The following GABRR1 variants were observed in gnomAD, a reference collection of about 807,000 sequenced individuals.
GABRR1 encodes the protein gamma-aminobutyric acid receptor subunit rho-1.
Under a neutral mutation model 55.5 loss-of-function variants are expected in GABRR1, and 59 were observed. That is an observed-to-expected ratio of 1.06 (90% CI 0.86 to 1.32). The LOEUF (loss-of-function observed/expected upper bound fraction) is 1.32, where lower values mean the gene tolerates loss of function less well. Ranked by LOEUF, GABRR1 falls within the 40% of genes most tolerant of loss-of-function variation. The pLI, the probability that GABRR1 is intolerant of heterozygous loss-of-function variation, is 0.00. For missense variants in GABRR1, 602 were observed against 619.1 expected, an observed-to-expected ratio of 0.97 and a Z score of 0.29; for synonymous variants, 213 against 226.0, an observed-to-expected ratio of 0.94 and a Z score of 0.51.
intron 4 of GABRR1, among the ~76,000 whole-genome samples, chr6:89,198,575 C>T (rs571659287): frequency 3.9e-5 from 6 of 152,240 alleles, no homozygotes; most frequent in African/African-American, 1.4e-4. Context: ...AAAGTTCATA[C>T]CTGCAAACAG....
rs1773199679 is a variant in GABRR1, at chr6:89,226,133, T to G, written c.-410-4687A>C. 2.0e-5 allele frequency among the ~76,000 whole-genome samples: 3 copies of G among 152,126 alleles called. No individual in the cohort carries two copies. In the South Asian group the frequency reaches 6.2e-4, roughly 32 times the overall value. On this transcript the variant is annotated intron_variant, in intron 1 of 11. Coordinates refer to the GABRR1 transcript ENST00000369451. ...GGTTGTTTGTTTTTTTCTTGTAAAT[T>G]TGTTTGAGTTCATTGTAGATTCTGG...
rs1337345625 is a variant in GABRR1 at position 89,178,583 on chromosome 6, TTAA to T, written c.*184_*186del. ...ATAATGCTGTGTATTCAATAGATGG[TTAA>T]TAAGTGCAAATTAAACCAGTAAGTG... On this transcript the variant is annotated 3_prime_UTR_variant, in exon 10 of 10. Coordinates refer to ENST00000454853, the MANE Select transcript of GABRR1 (RefSeq NM_002042.5). 2 of 603,288 alleles carry T rather than the reference TTAA, an allele frequency of 3.3e-6. No homozygotes were observed. The highest frequency in any genetic ancestry group is 3.7e-5 in the African/African-American group (2 of 53,852). The allele number at this position is 603,288 out of a possible 1,614,324, so 37.4% of individuals were successfully genotyped here.
At chr6:89,202,855 A>G (rs1232491392) in intron 2 of GABRR1, among the ~76,000 whole-genome samples, 2 of 152,018 alleles carry the variant, frequency 1.3e-5, no homozygotes, top group African/African-American at 4.8e-5. Flanking sequence ...CTGGGACTAC[A>G]GGTACATGCA....
chr6:89,183,813 G>A (rs970753961), intron 7 of GABRR1, among the ~76,000 whole-genome samples: 1 of 152,202 alleles, frequency 6.6e-6, no homozygotes, highest in African/African-American at 2.4e-5. Flanking sequence ...GCTAAGCTAT[G>A]GAAACACAAA....
chr6:89,208,435 T>C (rs1197673807), intron 1 of GABRR1, among the ~76,000 whole-genome samples: 1 of 152,266 alleles, frequency 6.6e-6, no homozygotes, highest in Non-Finnish European at 1.5e-5. Context: ...GTCAACTTGC[T>C]TAGACCATGG....
At chr6:89,223,856 T>C (rs1346474613) in intron 1 of GABRR1, among the ~76,000 whole-genome samples, 1 of 151,460 alleles carries the variant, frequency 6.6e-6, no homozygotes, top group Non-Finnish European at 1.5e-5. Context: ...CTCTGCCTCC[T>C]GGGTTCAAGC....
rs1771589459 is a variant in GABRR1, at chr6:89,177,764, T to C, written c.*1006A>G. 1 of 152,230 alleles carries C rather than the reference T, an allele frequency of 6.6e-6. No individual in the cohort carries two copies. 9.4% of individuals were successfully genotyped at this position (152,230 alleles called of 1,614,324 possible). A position where few individuals can be genotyped will look rare whatever the true frequency, so the allele number is the denominator to read the frequency against. ...ATAGAAAATGCTGGTATTTCGAGTA[T>C]AAATGCAGATGTCCAGTGATATCTT... On this transcript the variant is annotated 3_prime_UTR_variant, in exon 10 of 10. Coordinates refer to ENST00000454853, the MANE Select transcript of GABRR1 (RefSeq NM_002042.5).
Position 89,217,352 on chromosome 6 carries a change from G to C in GABRR1, c.-30C>G. On this transcript the variant is annotated 5_prime_UTR_variant, in exon 1 of 10. Transcript: ENST00000454853. ...TTCCAAATTCAAACAGCTCTCTCCA[G>C]AAACAGCAAAAAGGAAAAGATTGTT... 1 of 1,609,920 alleles carries C rather than the reference G, an allele frequency of 6.2e-7. No homozygotes were observed. Among genetic ancestry groups the C allele is most frequent in the South Asian group, 1.1e-5 (1 of 90,568 alleles).
At chr6:89,203,562 CA>C in intron 1 of GABRR1, 77 bp from the exon 2 acceptor site, 1 of 1,057,112 alleles carries the variant, frequency 9.5e-7, no homozygotes, top group Non-Finnish European at 1.5e-6. Flanking sequence ...CCTCTCCCTC[CA>C]GATTTGCTTC....
intron 1 of GABRR1, among the ~76,000 whole-genome samples, chr6:89,208,667 C>A (rs13215160): frequency 1.3e-5 from 2 of 152,254 alleles, no homozygotes; most frequent in African/African-American, 4.8e-5. Context: ...GATGGCAACA[C>A]GCCAGCTTCT....
chr6:89,180,074 CA>C (rs3836932), intron 9 of GABRR1, among the ~76,000 whole-genome samples: 50,947 of 151,328 alleles, frequency 0.34, 8,811 homozygotes, highest in East Asian at 0.63. Flanking sequence ...GTGGTAGGTG[CA>C]AAAAAATTTT....
At chr6:89,229,662 G>A (rs1333511484) in intron 1 of GABRR1, among the ~76,000 whole-genome samples, 17 of 100,588 alleles carry the variant, frequency 1.7e-4, no homozygotes, top group African/African-American at 5.4e-4. Flanking sequence ...CCCTTTGAGG[G>A]TAACCCGACC....
intron 4 of GABRR1, 28 bp downstream of exon 4, chr6:89,199,334 C>T: frequency 1.2e-6 from 2 of 1,609,246 alleles, no homozygotes; most frequent in South Asian, 2.2e-5. Context: ...AATCCCCCTG[C>T]CACGGCCCTG....
At chr6:89,199,820 G>T (rs1377566016) in intron 3 of GABRR1, among the ~76,000 whole-genome samples, 1 of 152,118 alleles carries the variant, frequency 6.6e-6, no homozygotes, top group East Asian at 1.9e-4. Context: ...CATGAGAAAG[G>T]CGTTGTTTGG....
chr6:89,194,340 C>T (rs962000662), intron 5 of GABRR1, among the ~76,000 whole-genome samples: 3 of 152,092 alleles, frequency 2.0e-5, no homozygotes, highest in Non-Finnish European at 4.4e-5. Flanking sequence ...TGGAGCGAGG[C>T]GAACCTGGGT....
intron 6 of GABRR1, 39 bp from the exon 7 acceptor site, chr6:89,185,489 G>A: frequency 6.3e-7 from 1 of 1,580,360 alleles, no homozygotes; most frequent in Non-Finnish European, 8.7e-7. Flanking sequence ...CAAGGTGGTG[G>A]CAAGACAGGA....
In GABRR1 at chr6:89,198,112, G is replaced by A. The variant is rs372992313; in HGVS notation, c.480C>T (p.Phe160=). The A allele has an allele frequency of 6.5e-5, 105 of 1,614,016 alleles. No individual in the cohort carries two copies. Among genetic ancestry groups the A allele is most frequent in the Middle Eastern group, 1.6e-4 (1 of 6,084 alleles). The change falls in exon 5 of 10, where the codon TTC becomes TTT. Residue 160 remains phenylalanine, a synonymous_variant. Transcript: ENST00000454853. ...VKKIWVPDMF[F]VHSKRSFIHD... Reference sequence around the variant, plus strand: ...GGATGAAGGAGCGTTTGGAGTGCACGAAAAACATGTCAGGGACCCAGATCT... The same window carrying A: ...GGATGAAGGAGCGTTTGGAGTGCACAAAAAACATGTCAGGGACCCAGATCT...
At chr6:89,203,564 G>T (rs912161523) in intron 1 of GABRR1, 79 bp from the exon 2 acceptor site, 2 of 1,045,042 alleles carry the variant, frequency 1.9e-6, no homozygotes, top group Non-Finnish European at 3.0e-6. Flanking sequence ...TCTCCCTCCA[G>T]ATTTGCTTCA....
chr6:89,210,964 C>T (rs950409603), intron 1 of GABRR1, among the ~76,000 whole-genome samples: 3 of 151,908 alleles, frequency 2.0e-5, no homozygotes, highest in Non-Finnish European at 4.4e-5. Context: ...GAGGAGGTGA[C>T]ACCTCTGCTA....
Sources: gnomAD v4.1 joint callset for allele counts (sites outside exome capture counted in the v4.1 genomes callset) on GRCh38, gnomAD v4.1.1 for gene constraint, MANE v1.5 for transcripts, NCBI Gene and HGNC (gene_info 2026-07-23, HGNC 2026-07-21) for gene names.